The following SGCD variants were observed in gnomAD, a reference collection of about 807,000 sequenced individuals.
SGCD encodes the protein sarcoglycan delta.
In SGCD, 18 loss-of-function variants were observed where a neutral mutation model predicts 36.6. The observed-to-expected ratio is 0.49, with a 90% CI of 0.34 to 0.73. SGCD has a LOEUF of 0.73. Among genes scored for constraint, SGCD ranks in the 30% least tolerant of loss-of-function variants. The pLI is 0.01. For synonymous variants in SGCD, 133 were observed against 130.6 expected, an observed-to-expected ratio of 1.02 and a Z score of -0.12; for missense variants, 387 against 346.7, an observed-to-expected ratio of 1.12 and a Z score of -0.92.
chr5:155,881,847 C>G (rs1459508004), intron 1 of SGCD, among the ~76,000 whole-genome samples: 1 of 152,178 alleles, frequency 6.6e-6, no homozygotes, highest in Non-Finnish European at 1.5e-5. Context: ...GATTCCAGGT[C>G]AAGAAACCAC....
chr5:156,236,005 T>C (rs1341383720), intron 3 of SGCD, among the ~76,000 whole-genome samples: 1 of 152,210 alleles, frequency 6.6e-6, no homozygotes, highest in African/African-American at 2.4e-5. Flanking sequence ...TTTTGTCTTA[T>C]GAAAAGAAAA....
At chr5:156,312,500 TA>T (rs945702945) in intron 3 of SGCD, among the ~76,000 whole-genome samples, 1 of 145,686 alleles carries the variant, frequency 6.9e-6, no homozygotes, top group African/African-American at 2.6e-5. Flanking sequence ...ATTACTCATA[TA>T]AAATATTAAA....
At chr5:155,750,379 G>A in the SGCD span, among the ~76,000 whole-genome samples, 1 of 152,156 alleles carries the variant, frequency 6.6e-6, no homozygotes, top group South Asian at 2.1e-4. Context: ...ATAGGGGAGA[G>A]AGTTTGTTTA....
intron 3 of SGCD, among the ~76,000 whole-genome samples, chr5:156,257,258 A>C (rs1253167365): frequency 6.6e-6 from 1 of 151,572 alleles, no homozygotes; most frequent in Non-Finnish European, 1.5e-5. Flanking sequence ...GCGGATCACG[A>C]GGTCAAGAGA....
At chr5:156,225,560 C>T (rs370809020) in intron 3 of SGCD, among the ~76,000 whole-genome samples, 2 of 152,074 alleles carry the variant, frequency 1.3e-5, no homozygotes, top group Non-Finnish European at 2.9e-5. Context: ...GTCTTTAGGG[C>T]CACTTAGTCA....
At chr5:155,798,860 T>C in the SGCD span, among the ~76,000 whole-genome samples, 2 of 152,228 alleles carry the variant, frequency 1.3e-5, no homozygotes, top group African/African-American at 4.8e-5. Context: ...TCTAAACCAT[T>C]ACTATGATAC....
intron 4 of SGCD, among the ~76,000 whole-genome samples, chr5:156,540,752 T>C (rs946299349): frequency 2.6e-5 from 4 of 152,182 alleles, no homozygotes; most frequent in African/African-American, 9.6e-5. Flanking sequence ...AAGTGTGCTT[T>C]TTACCCAATT....
At chr5:155,780,253 A>G in the SGCD span, among the ~76,000 whole-genome samples, 7 of 152,150 alleles carry the variant, frequency 4.6e-5, no homozygotes, top group Admixed American at 1.3e-4. Flanking sequence ...TTAAAAAGAC[A>G]CTGGGGAAGC....
chr5:155,985,293 A>G (rs548615325), intron 1 of SGCD, among the ~76,000 whole-genome samples: 11 of 152,220 alleles, frequency 7.2e-5, no homozygotes, highest in African/African-American at 2.4e-4. Flanking sequence ...GGTTGTTGGT[A>G]GGCCTCAATT....
chr5:156,212,151 A>G (rs1169955043), intron 3 of SGCD, among the ~76,000 whole-genome samples: 1 of 152,216 alleles, frequency 6.6e-6, no homozygotes, highest in Non-Finnish European at 1.5e-5. Context: ...GCAGTTGTAA[A>G]TCCTTACCTA....
chr5:156,314,293 C>T (rs1297893572), intron 3 of SGCD, among the ~76,000 whole-genome samples: 1 of 151,942 alleles, frequency 6.6e-6, no homozygotes, highest in Non-Finnish European at 1.5e-5. Flanking sequence ...TCTATAAAGA[C>T]TAAACCTGAT....
chr5:156,643,936 C>T (rs1225083281), intron 6 of SGCD, among the ~76,000 whole-genome samples: 6 of 152,062 alleles, frequency 3.9e-5, no homozygotes, highest in Non-Finnish European at 5.9e-5. Context: ...GAACATTTTG[C>T]CCCAAGGTTT....
intron 1 of SGCD, among the ~76,000 whole-genome samples, chr5:155,983,958 T>A (rs1361607619): frequency 6.6e-6 from 1 of 152,212 alleles, no homozygotes; most frequent in South Asian, 2.1e-4. Flanking sequence ...AGTGCATCCG[T>A]GGATGAAAAT....
intron 1 of SGCD, among the ~76,000 whole-genome samples, chr5:155,969,227 A>C (rs1271620301): frequency 6.6e-6 from 1 of 152,130 alleles, no homozygotes; most frequent in Non-Finnish European, 1.5e-5. Context: ...GGTCATACTC[A>C]TGAAAGATTG....
At chr5:156,140,564 C>T (rs1476747014) in intron 3 of SGCD, among the ~76,000 whole-genome samples, 4 of 152,114 alleles carry the variant, frequency 2.6e-5, no homozygotes, top group African/African-American at 9.7e-5. Flanking sequence ...AATTTAAGAG[C>T]TATGAACTAG....
Position 156,276,610 on chromosome 5 carries a change from G to A in SGCD, c.-43-52924G>A, listed in dbSNP as rs1033986323. ...AGATTTACTATATTTTCTTAATGGT[G>A]ACATAGTTTTAATTTATTCTTCATG... is the stretch of plus-strand genomic sequence containing the variant. On this transcript the variant is annotated intron_variant, in intron 3 of 9. Coordinates refer to the SGCD transcript ENST00000517913. Among the ~76,000 whole-genome samples the A allele has an allele frequency of 9.2e-5, 14 of 152,162 alleles. No individual in the cohort carries two copies. The South Asian group carries it at 1.2e-3, about 14-fold the overall frequency.
chr5:155,731,182 T>C, the SGCD span, among the ~76,000 whole-genome samples: 2 of 145,726 alleles, frequency 1.4e-5, no homozygotes, highest in African/African-American at 5.1e-5. Flanking sequence ...CACACAGAGA[T>C]AGAAAGAGAG....
chr5:155,967,503 T>G (rs1413074405), intron 1 of SGCD, among the ~76,000 whole-genome samples: 3 of 152,048 alleles, frequency 2.0e-5, no homozygotes, highest in Non-Finnish European at 4.4e-5. Flanking sequence ...AGTCAGAGGT[T>G]GTTTAAGGTT....
intron 3 of SGCD, among the ~76,000 whole-genome samples, chr5:156,474,500 C>A (rs1414458833): frequency 6.6e-6 from 1 of 152,204 alleles, no homozygotes; most frequent in Admixed American, 6.5e-5. Context: ...AAAGCATCTG[C>A]CAGCAGCAGG....
Sources: allele counts gnomAD v4.1 joint callset (sites outside exome capture counted in the v4.1 genomes callset), GRCh38; gene constraint gnomAD v4.1.1; transcripts MANE v1.5; gene names NCBI Gene and HGNC (gene_info 2026-07-23, HGNC 2026-07-21).